FNBP1: variants seen among roughly 807,000 people sequenced by gnomAD.
FNBP1 encodes the protein formin binding protein 1.
FNBP1 carries 26 observed loss-of-function variants against 90.6 expected under a neutral mutation model. That is an observed-to-expected ratio of 0.29 (90% confidence interval 0.21 to 0.40). The LOEUF (loss-of-function observed/expected upper bound fraction) is 0.40. FNBP1 is among the 10% of genes least tolerant of loss of function. The pLI is 1.00. For synonymous variants in FNBP1, 260 were observed against 265.2 expected, an observed-to-expected ratio of 0.98 and a Z score of 0.19; for missense variants, 635 against 768.0, an observed-to-expected ratio of 0.83 and a Z score of 2.05.
intron 6 of FNBP1, among the ~76,000 whole-genome samples, chr9:129,953,177 A>G (rs2046422412): frequency 6.6e-6 from 1 of 152,192 alleles, no homozygotes; most frequent in African/African-American, 2.4e-5. Context: ...ATTTCCCAGG[A>G]CCATAATGCA....
At chr9:129,921,425 G>A (rs1265841892) in intron 10 of FNBP1, among the ~76,000 whole-genome samples, 1 of 148,868 alleles carries the variant, frequency 6.7e-6, no homozygotes, top group African/African-American at 2.5e-5. Context: ...ACAGAGTCTT[G>A]CTCTGTCGTC....
intron 1 of FNBP1, among the ~76,000 whole-genome samples, chr9:130,026,968 A>C (rs2132052957): frequency 6.7e-6 from 1 of 150,368 alleles, no homozygotes; most frequent in South Asian, 2.1e-4. Context: ...CCTGTCTCAA[A>C]AAAAAAAAAA....
chr9:129,999,541 T>C (rs192907380), intron 1 of FNBP1, among the ~76,000 whole-genome samples: 1 of 150,932 alleles, frequency 6.6e-6, no homozygotes, highest in Non-Finnish European at 1.5e-5. Flanking sequence ...GAGGTTGCAG[T>C]GAGTGGAAAT....
rs966392702 is a variant in FNBP1 at position 129,927,219 on chromosome 9, T to C, written c.765A>G (p.Ala255=). 6.2e-7 allele frequency: 1 copy of C among 1,613,950 alleles called. No homozygotes were observed. Among genetic ancestry groups the C allele is most frequent in the Non-Finnish European group, 8.5e-7 (1 of 1,179,860 alleles). ...CATTTTTCTGATCAATTGATTCGGC[T>C]GCTTTTACTATTCCATCCAGGCACT... ...IGKCLDGIVK[A]AESIDQKNDS... Residue 255 remains alanine (A), a synonymous_variant, in exon 8 of 17, where the codon GCA becomes GCG. Transcript: ENST00000446176.
In FNBP1 at chr9:130,041,719, C is replaced by G. The variant is rs949892708; in HGVS notation, c.24+1233G>C. 6.6e-6 allele frequency among the ~76,000 whole-genome samples: 1 copy of G among 152,084 alleles called. No homozygotes were observed. Among genetic ancestry groups the G allele is most frequent in the African/African-American group, 2.4e-5 (1 of 41,392 alleles). ...CCCTCAGGATTTTGGTAATAACAAC[C>G]GTAGCTGCTTCTGTACCTAACAAAT... is the stretch of plus-strand genomic sequence containing the variant. On this transcript the variant is annotated intron_variant, in intron 1 of 16. Coordinates refer to ENST00000446176, the MANE Select transcript of FNBP1 (RefSeq NM_015033.3). This position sits in a 1 kb window ranked among gnomAD's most constrained non-coding sequence, Gnocchi z 4.3.
rs1056939382 is a variant in FNBP1 at position 129,889,596 on chromosome 9, A to C, written c.*943T>G. 10 of 221,172 alleles carry C rather than the reference A, an allele frequency of 4.5e-5. No homozygotes were observed. The highest frequency in any genetic ancestry group is 9.0e-5 in the Non-Finnish European group (10 of 110,718). The allele number at this position is 221,172 out of a possible 1,614,324, so 13.7% of individuals were successfully genotyped here. Reference sequence around the variant, plus strand: ...AAAAAAAAAAAAAAAACAACAACAAAAAAGGAAGTGCTACCCTTTTCAGAT... The same window carrying C: ...AAAAAAAAAAAAAAAACAACAACAACAAAGGAAGTGCTACCCTTTTCAGAT... On this transcript the variant is annotated 3_prime_UTR_variant, in exon 17 of 17. Transcript: ENST00000446176.
chr9:130,025,179 CA>C (rs36033580), intron 1 of FNBP1, among the ~76,000 whole-genome samples: 68 of 144,804 alleles, frequency 4.7e-4, no homozygotes, highest in African/African-American at 8.1e-4. Context: ...GACTCTATCT[CA>C]AAAAAAAAAA....
chr9:129,930,717 A>C (rs2042609319), intron 6 of FNBP1, among the ~76,000 whole-genome samples: 1 of 152,240 alleles, frequency 6.6e-6, no homozygotes, highest in Non-Finnish European at 1.5e-5. Context: ...TTCTAAAGTC[A>C]TCCAGAAGTA....
At chr9:130,000,912 A>G (rs1234899233) in intron 1 of FNBP1, among the ~76,000 whole-genome samples, 1 of 152,224 alleles carries the variant, frequency 6.6e-6, no homozygotes, top group Admixed American at 6.5e-5. Context: ...GTCTGCACTA[A>G]AGAGCTTCTC....
At chr9:129,974,209 A>T (rs977427569) in intron 4 of FNBP1, among the ~76,000 whole-genome samples, 5 of 152,048 alleles carry the variant, frequency 3.3e-5, no homozygotes, top group African/African-American at 9.7e-5. Flanking sequence ...AAAAAAACTC[A>T]CTGGAAAAAA....
At chr9:129,909,037 C>T in intron 11 of FNBP1, 38 bp from the exon 12 acceptor site, 2 of 1,448,934 alleles carry the variant, frequency 1.4e-6, no homozygotes, top group Non-Finnish European at 1.9e-6. Flanking sequence ...CAGAAAGCCC[C>T]AGGCTTTCCT....
chr9:129,978,145 T>C (rs538016503), intron 4 of FNBP1, among the ~76,000 whole-genome samples: 1 of 152,048 alleles, frequency 6.6e-6, no homozygotes, highest in South Asian at 2.1e-4. Flanking sequence ...CTCAGCCTCC[T>C]GAGTAGCTGG....
chr9:129,960,079 C>A (rs1000757070), intron 4 of FNBP1, among the ~76,000 whole-genome samples: 1 of 151,980 alleles, frequency 6.6e-6, no homozygotes, highest in African/African-American at 2.4e-5. Context: ...AGTTGATAGA[C>A]ATCAGAGTTG....
At chr9:129,962,803 C>A (rs113461899) in intron 4 of FNBP1, among the ~76,000 whole-genome samples, 298 of 152,188 alleles carry the variant, frequency 2.0e-3, no homozygotes, top group African/African-American at 6.9e-3. Context: ...AGAAGTAGAG[C>A]CAAGGACAGG....
chr9:129,887,378 C>T lies in FNBP1; in HGVS notation c.*3161G>A, dbSNP rs1481250091. On this transcript the variant is annotated 3_prime_UTR_variant, in exon 17 of 17. Coordinates refer to ENST00000446176, the MANE Select transcript of FNBP1 (RefSeq NM_015033.3). ...GTTTAGAATTAGTGCAACACACATA[C>T]GAACATTTTAAAGGTGCTCAACATC... 9.9e-6 allele frequency: 2 copies of T among 201,226 alleles called. No homozygotes were observed. Among genetic ancestry groups the T allele is most frequent in the East Asian group, 1.5e-4 (2 of 13,112 alleles). The allele number at this position is 201,226 out of a possible 1,614,324, so 12.5% of individuals were successfully genotyped here. A position where few individuals can be genotyped will look rare whatever the true frequency, so the allele number is the denominator to read the frequency against.
chr9:130,009,008 TTAA>T (rs2056186920), intron 1 of FNBP1, among the ~76,000 whole-genome samples: 1 of 152,192 alleles, frequency 6.6e-6, no homozygotes, highest in Non-Finnish European at 1.5e-5. Flanking sequence ...AGCTAAATTA[TTAA>T]TGAGAAGAAA....
At chr9:129,909,539 T>C (rs1457817668) in intron 11 of FNBP1, among the ~76,000 whole-genome samples, 2 of 151,664 alleles carry the variant, frequency 1.3e-5, no homozygotes, top group South Asian at 4.1e-4. Context: ...CCTCAGAGAA[T>C]GTGGGTGAAA....
Position 130,042,480 on chromosome 9 carries a change from C to G in FNBP1, c.24+472G>C, listed in dbSNP as rs994422801. Among the ~76,000 whole-genome samples the G allele has an allele frequency of 6.6e-6, 1 of 151,976 alleles. No homozygotes were observed. Among genetic ancestry groups the G allele is most frequent in the Non-Finnish European group, 1.5e-5 (1 of 67,948 alleles). ...CCCGGCGCTCGCCCCGGCCGCCCCG[C>G]TCCCGGGGAAGTGCCCGATCCGCCA... On this transcript the variant is annotated intron_variant, in intron 1 of 16. Transcript: ENST00000446176. This position sits in a 1 kb window ranked among gnomAD's most constrained non-coding sequence, Gnocchi z 5.5.
chr9:129,913,639 C>A (rs1244564619), intron 11 of FNBP1, among the ~76,000 whole-genome samples: 1 of 151,870 alleles, frequency 6.6e-6, no homozygotes, highest in East Asian at 1.9e-4. Context: ...GGTGTGGTGG[C>A]GCGCCCCTAT....
Sources: gnomAD v4.1 joint callset for allele counts (sites outside exome capture counted in the v4.1 genomes callset) on GRCh38, gnomAD v4.1.1 for gene constraint, Gnocchi (gnomAD v3.1) non-coding constraint, MANE v1.5 for transcripts, NCBI Gene and HGNC (gene_info 2026-07-23, HGNC 2026-07-21) for gene names.